ATP8A2: variants seen among roughly 807,000 people sequenced by gnomAD.
ATP8A2 encodes phospholipid-transporting ATPase IB.
Under a neutral mutation model 165.6 loss-of-function variants are expected in ATP8A2, and 100 were observed. That is an observed-to-expected ratio of 0.60 (90% CI 0.51 to 0.71). The LOEUF is 0.71. Ranked by LOEUF, ATP8A2 falls within the 30% of genes least tolerant of loss-of-function variation. The pLI, the probability that ATP8A2 is intolerant of heterozygous loss-of-function variation, is 0.00. For missense variants in ATP8A2, 1,227 were observed against 1,479.5 expected (o/e 0.83, Z 2.80); for synonymous variants, 543 against 548.8 (o/e 0.99, Z 0.15).
intron 24 of ATP8A2, among the ~76,000 whole-genome samples, chr13:25,623,846 T>A (rs2041035586): frequency 6.6e-6 from 1 of 152,118 alleles, no homozygotes; most frequent in Non-Finnish European, 1.5e-5. Context: ...AGATTATAAA[T>A]GCATAAATTA....
rs1957044335 is a variant in ATP8A2, at chr13:26,019,163, G to A, written c.3470-725G>A. ...AATCCCAGCACTTTGGGAGGCCAAG[G>A]TGGACAGATTGCTTGAGGTCAGGAG... On this transcript the variant is annotated intron_variant, in intron 36 of 36. Transcript: ENST00000381655. 2.0e-5 allele frequency among the ~76,000 whole-genome samples: 3 copies of A among 152,282 alleles called. No homozygotes were observed. The South Asian group carries it at 6.2e-4, about 32-fold the overall frequency.
chr13:25,953,735 C>T lies in ATP8A2; in HGVS notation c.3184-7840C>T, dbSNP rs1050839690. 1.3e-4 allele frequency among the ~76,000 whole-genome samples: 20 copies of T among 151,906 alleles called. No homozygotes were observed. The highest frequency in any genetic ancestry group is 3.9e-4 in the African/African-American group (16 of 41,356). ...AAGCAGGGTGGGGCGTTGCCTCACCCGGGAAGCACAGGGGATTGAGGAACT... is the reference window on the plus strand; with the variant it reads ...AAGCAGGGTGGGGCGTTGCCTCACCTGGGAAGCACAGGGGATTGAGGAACT... On this transcript the variant is annotated intron_variant, in intron 33 of 36. Coordinates refer to ENST00000381655, the MANE Select transcript of ATP8A2 (RefSeq NM_016529.6). The surrounding 1 kb of genome is among the most constrained non-coding windows in gnomAD (Gnocchi z 6.7).
chr13:25,941,337 T>C (rs537505932), intron 33 of ATP8A2, among the ~76,000 whole-genome samples: 1 of 152,260 alleles, frequency 6.6e-6, no homozygotes, highest in South Asian at 2.1e-4. Flanking sequence ...TTCTGTTGTG[T>C]CCTGAAGGAA....
intron 33 of ATP8A2, among the ~76,000 whole-genome samples, chr13:25,916,516 A>G (rs1159852226): frequency 6.6e-6 from 1 of 152,146 alleles, no homozygotes; most frequent in Non-Finnish European, 1.5e-5. Context: ...CCCTTCTGTC[A>G]CCAGCCCGCT....
chr13:25,591,574 A>G (rs947809345), intron 24 of ATP8A2, among the ~76,000 whole-genome samples: 1 of 149,702 alleles, frequency 6.7e-6, no homozygotes, highest in Non-Finnish European at 1.5e-5. Flanking sequence ...ACAGTTGAGT[A>G]GCTTATAACT....
chr13:25,725,970 G>T (rs191935005), intron 25 of ATP8A2, among the ~76,000 whole-genome samples: 1 of 152,324 alleles, frequency 6.6e-6, no homozygotes, highest in Non-Finnish European at 1.5e-5. Context: ...CTGGTAAGAT[G>T]ACTGAAGCTC....
At chr13:25,942,068 G>A (rs965389959) in intron 33 of ATP8A2, among the ~76,000 whole-genome samples, 2 of 151,964 alleles carry the variant, frequency 1.3e-5, no homozygotes, top group Non-Finnish European at 2.9e-5. Flanking sequence ...TGTATTATAT[G>A]TACTCTTCCT....
intron 33 of ATP8A2, among the ~76,000 whole-genome samples, chr13:25,869,141 T>C (rs1383801723): frequency 6.6e-6 from 1 of 150,822 alleles, no homozygotes; most frequent in African/African-American, 2.4e-5. Context: ...AGTTGAGCAG[T>C]GCTAGCTAAG....
chr13:25,923,692 A>G (rs1954523381), intron 33 of ATP8A2, among the ~76,000 whole-genome samples: 1 of 151,924 alleles, frequency 6.6e-6, no homozygotes, highest in Non-Finnish European at 1.5e-5. Context: ...ACATCAAAAT[A>G]ATAAAAAAAA....
chr13:25,390,667 C>T (rs1234723229), intron 1 of ATP8A2, among the ~76,000 whole-genome samples: 6 of 152,124 alleles, frequency 3.9e-5, no homozygotes, highest in South Asian at 2.1e-4. Context: ...CAGTGGCTCA[C>T]GCCTGTAATC....
intron 13 of ATP8A2, among the ~76,000 whole-genome samples, 165 bp downstream of exon 13, chr13:25,555,233 C>T (rs1406776276): frequency 6.6e-6 from 1 of 151,890 alleles, no homozygotes; most frequent in Non-Finnish European, 1.5e-5. Context: ...TAAATATAAG[C>T]GTTACTCAGT....
chr13:25,717,876 G>A (rs1007274041), intron 25 of ATP8A2, among the ~76,000 whole-genome samples: 2 of 152,180 alleles, frequency 1.3e-5, no homozygotes, highest in Non-Finnish European at 2.9e-5. Context: ...AGATTGGATT[G>A]AAGATTGAAG....
chr13:25,939,045 G>A (rs1954993355), intron 33 of ATP8A2, among the ~76,000 whole-genome samples: 1 of 152,020 alleles, frequency 6.6e-6, no homozygotes, highest in Admixed American at 6.6e-5. Context: ...GTTTCGCCAT[G>A]TTGGCCAAGC....
chr13:25,543,476 A>G, intron 10 of ATP8A2, 74 bp downstream of exon 10: 1 of 1,001,786 alleles, frequency 1.0e-6, no homozygotes, highest in Non-Finnish European at 1.5e-6. Flanking sequence ...GAAAATGCAG[A>G]TGTTGCATTT....
At chr13:25,941,473 G>A (rs1312439746) in intron 33 of ATP8A2, among the ~76,000 whole-genome samples, 2 of 152,070 alleles carry the variant, frequency 1.3e-5, no homozygotes, top group Middle Eastern at 3.2e-3. Context: ...GTGTCTGGCC[G>A]TCTTCTGGCT....
intron 1 of ATP8A2, among the ~76,000 whole-genome samples, chr13:25,399,048 A>G (rs1355538258): frequency 6.6e-6 from 1 of 152,174 alleles, no homozygotes; most frequent in Non-Finnish European, 1.5e-5. Flanking sequence ...CGAAATGCCA[A>G]TCTGTGGACT....
intron 27 of ATP8A2, among the ~76,000 whole-genome samples, chr13:25,782,735 G>C (rs1307453661): frequency 2.0e-5 from 3 of 152,066 alleles, no homozygotes; most frequent in Non-Finnish European, 2.9e-5. Context: ...CATCAGTTTT[G>C]TTTTGTTTTG....
intron 24 of ATP8A2, among the ~76,000 whole-genome samples, chr13:25,610,987 A>G (rs1427140929): frequency 1.3e-5 from 2 of 150,256 alleles, no homozygotes; most frequent in Admixed American, 6.7e-5. Flanking sequence ...ATTTCTGTAC[A>G]TTAATTTTGT....
At chr13:25,791,540 C>T (rs74833197) in intron 27 of ATP8A2, among the ~76,000 whole-genome samples, 2,757 of 120,600 alleles carry the variant, frequency 0.023, 26 homozygotes, top group African/African-American at 0.028. Flanking sequence ...CACACACACA[C>T]ATACACACAC....
Sources: gnomAD v4.1 joint callset for allele counts (sites outside exome capture counted in the v4.1 genomes callset) on GRCh38, gnomAD v4.1.1 for gene constraint, Gnocchi (gnomAD v3.1) non-coding constraint, MANE v1.5 for transcripts, NCBI Gene and HGNC (gene_info 2026-07-23, HGNC 2026-07-21) for gene names.